Variants in DNAH14 observed in about 807,000 individuals in gnomAD.
DNAH14 encodes dynein axonemal heavy chain 14.
DNAH14 carries 478 observed loss-of-function variants against 520.9 expected under a neutral mutation model. The ratio of observed to expected loss-of-function variants is 0.92; its 90% CI spans 0.85 to 0.99. The LOEUF is 0.99. DNAH14 is among the 50% of genes least tolerant of loss of function. The probability of loss-of-function intolerance (pLI) is 0.00; values close to 1 mark genes in which losing one functional copy is unlikely to be tolerated. For missense variants in DNAH14, 4,831 were observed against 5,234.5 expected (o/e 0.92, Z 2.38); for synonymous variants, 1,581 against 1,757.2 (o/e 0.90, Z 2.51).
intron 73 of DNAH14, among the ~76,000 whole-genome samples, chr1:225,358,190 T>A (rs1297994757): frequency 6.6e-6 from 1 of 152,096 alleles, no homozygotes; most frequent in African/African-American, 2.4e-5. Context: ...GGGGAAAAAA[T>A]TTCTTTTTGC....
intron 36 of DNAH14, among the ~76,000 whole-genome samples, chr1:225,184,482 T>G (rs2084429000): frequency 6.6e-6 from 1 of 151,936 alleles, no homozygotes; most frequent in Admixed American, 6.6e-5. Context: ...TAGCCAGCTG[T>G]GATGGCACGC....
intron 15 of DNAH14, among the ~76,000 whole-genome samples, chr1:225,044,747 C>A (rs183449877): frequency 1.3e-5 from 2 of 152,200 alleles, no homozygotes; most frequent in African/African-American, 4.8e-5. Context: ...GTTTTAAAAC[C>A]AAGAATTATC....
chr1:225,050,511 C>A, intron 16 of DNAH14, 135 bp downstream of exon 16: 1 of 955,980 alleles, frequency 1.0e-6, no homozygotes. Flanking sequence ...AGCTTATCTC[C>A]CCATTTGTTT....
intron 41 of DNAH14, among the ~76,000 whole-genome samples, chr1:225,219,287 G>C (rs1001258291): frequency 1.3e-5 from 2 of 151,728 alleles, no homozygotes; most frequent in Non-Finnish European, 2.9e-5. Context: ...AAATTCAAAG[G>C]CTATCAGAAG....
chr1:225,151,715 T>C (rs1428842860), intron 31 of DNAH14, among the ~76,000 whole-genome samples: 2 of 152,188 alleles, frequency 1.3e-5, no homozygotes, highest in African/African-American at 4.8e-5. Flanking sequence ...TCTCCCAGGT[T>C]CCTTTTACTA....
chr1:225,065,305 G>A (rs907979087), intron 17 of DNAH14, among the ~76,000 whole-genome samples: 1 of 151,652 alleles, frequency 6.6e-6, no homozygotes, highest in African/African-American at 2.4e-5. Context: ...GAATAATTAA[G>A]CTAATTAACA....
intron 10 of DNAH14, among the ~76,000 whole-genome samples, chr1:225,019,497 G>T (rs562684766): frequency 1.5e-4 from 23 of 152,132 alleles, no homozygotes; most frequent in Non-Finnish European, 2.9e-4. Flanking sequence ...CCCAATGACA[G>T]CATTAGACAC....
At position 224,996,172 on chromosome 1, in the gene DNAH14, GT is replaced by G. The variant is rs200929904; in HGVS notation, c.831-6601del. ...CAGACACCTCTTTCAGCTTTTATAGGTTTTTTTTTTCTTTTTTGAGACAGAG... is the reference window on the plus strand; with the variant it reads ...CAGACACCTCTTTCAGCTTTTATAGGTTTTTTTTTCTTTTTTGAGACAGAG... On this transcript the variant is annotated intron_variant, in intron 8 of 85. Transcript: ENST00000682510. 1.8e-4 allele frequency among the ~76,000 whole-genome samples: 27 copies of G among 148,782 alleles called. No individual in the cohort carries two copies. The East Asian group carries it at 4.3e-3, about 24-fold the overall frequency.
chr1:225,183,887 C>T (rs2084357497), intron 36 of DNAH14, among the ~76,000 whole-genome samples: 1 of 151,738 alleles, frequency 6.6e-6, no homozygotes, highest in Non-Finnish European at 1.5e-5. Context: ...AAACTGAAAC[C>T]CTGAAAAGAC....
chr1:225,388,007 C>T (rs947709637), intron 81 of DNAH14, among the ~76,000 whole-genome samples: 1 of 151,916 alleles, frequency 6.6e-6, no homozygotes, highest in African/African-American at 2.4e-5. Context: ...CAGTGGGTGG[C>T]ATTTATAGAA....
At chr1:225,046,257 G>C (rs977204846) in intron 15 of DNAH14, among the ~76,000 whole-genome samples, 1 of 151,714 alleles carries the variant, frequency 6.6e-6, no homozygotes, top group Non-Finnish European at 1.5e-5. Context: ...TCATACATTA[G>C]TCAAATGTAT....
intron 35 of DNAH14, among the ~76,000 whole-genome samples, chr1:225,160,655 A>G (rs538786552): frequency 6.6e-6 from 1 of 152,242 alleles, no homozygotes; most frequent in African/African-American, 2.4e-5. Flanking sequence ...ATTTCATTCA[A>G]GTTTTAAAAT....
intron 58 of DNAH14, 100 bp from the exon 59 acceptor site, chr1:225,307,361 T>C: frequency 4.9e-6 from 4 of 814,240 alleles, no homozygotes; most frequent in Non-Finnish European, 5.8e-6. Context: ...ATAAAATCCA[T>C]TTGGCCATAA....
chr1:225,278,560 A>T (rs1395295100), intron 54 of DNAH14, among the ~76,000 whole-genome samples: 2 of 151,982 alleles, frequency 1.3e-5, no homozygotes, highest in Non-Finnish European at 2.9e-5. Context: ...TCTGGTCCTT[A>T]GCCTTATCTT....
intron 17 of DNAH14, among the ~76,000 whole-genome samples, chr1:225,059,655 T>C (rs1386462397): frequency 8.5e-5 from 13 of 152,230 alleles, no homozygotes; most frequent in Non-Finnish European, 1.5e-4. Flanking sequence ...GTTTTTGCAG[T>C]GGCTGGTACC....
chr1:225,248,165 T>C (rs1290393724), intron 43 of DNAH14, among the ~76,000 whole-genome samples: 2 of 152,148 alleles, frequency 1.3e-5, no homozygotes, highest in Non-Finnish European at 2.9e-5. Flanking sequence ...TAAAGATCCA[T>C]TCGGACATAT....
intron 34 of DNAH14, among the ~76,000 whole-genome samples, chr1:225,157,347 G>A (rs2081142861): frequency 6.6e-6 from 1 of 152,104 alleles, no homozygotes; most frequent in South Asian, 2.1e-4. Context: ...CAAAAAAGTG[G>A]TATGATGAAG....
At chr1:225,358,796 C>G in intron 74 of DNAH14, 144 bp downstream of exon 74, 1 of 795,070 alleles carries the variant, frequency 1.3e-6, no homozygotes, top group Non-Finnish European at 1.9e-6. Flanking sequence ...GGGGATGGTT[C>G]CCCCCATGCT....
intron 27 of DNAH14, among the ~76,000 whole-genome samples, chr1:225,136,622 T>C (rs2078974465): frequency 6.6e-6 from 1 of 152,284 alleles, no homozygotes; most frequent in South Asian, 2.1e-4. Flanking sequence ...CTCATGATTA[T>C]GTGTCTCAGA....
Sources: gnomAD v4.1 joint callset for allele counts (sites outside exome capture counted in the v4.1 genomes callset) on GRCh38, gnomAD v4.1.1 for gene constraint, MANE v1.5 for transcripts, NCBI Gene and HGNC (gene_info 2026-07-23, HGNC 2026-07-21) for gene names.